Variants in TNNI3K observed in about 807,000 individuals in gnomAD.
TNNI3K encodes TNNI3 interacting kinase, also known as serine/threonine-protein kinase TNNI3K.
In TNNI3K, 140 loss-of-function variants were observed where a neutral mutation model predicts 114.5. The ratio of observed to expected loss-of-function variants is 1.22; its 90% CI spans 1.07 to 1.41. TNNI3K has a LOEUF of 1.41. Among genes scored for constraint, TNNI3K ranks in the 40% most tolerant of loss-of-function variants. The probability of loss-of-function intolerance (pLI) is 0.00; values close to 1 mark genes in which losing one functional copy is unlikely to be tolerated. For synonymous variants in TNNI3K, 347 were observed against 347.5 expected (o/e 1.00, Z 0.02); for missense variants, 1,125 against 1,007.6 (o/e 1.12, Z -1.58).
intron 9 of TNNI3K, among the ~76,000 whole-genome samples, chr1:74,350,070 T>C (rs1291791318): frequency 1.3e-5 from 2 of 152,208 alleles, no homozygotes; most frequent in Non-Finnish European, 2.9e-5. Context: ...TGTTAGGGTG[T>C]CAATTTTAGA....
At chr1:74,321,936 G>T (rs1011274178) in intron 5 of TNNI3K, among the ~76,000 whole-genome samples, 24 of 151,962 alleles carry the variant, frequency 1.6e-4, no homozygotes, top group Non-Finnish European at 2.8e-4. Flanking sequence ...AGAAATCTCA[G>T]CTAACGTTTG....
In TNNI3K at chr1:74,324,358, A is replaced by G. The variant is rs543482874; in HGVS notation, c.445-7092A>G. On this transcript the variant is annotated intron_variant, in intron 5 of 24. Coordinates refer to ENST00000326637, the MANE Select transcript of TNNI3K (RefSeq NM_015978.3). ...CAGAGGAGGCAACTCAACAAAGCAC[A>G]TGAAATAACAGAAGCTGTCAACTGC... Among the ~76,000 whole-genome samples, 12 of 152,366 alleles carry G rather than the reference A, an allele frequency of 7.9e-5. No homozygotes were observed. In the Middle Eastern group the frequency reaches 0.02, roughly 259 times the overall value.
chr1:74,325,130 C>T (rs1659828045), intron 5 of TNNI3K, among the ~76,000 whole-genome samples: 1 of 152,098 alleles, frequency 6.6e-6, no homozygotes. Flanking sequence ...CAGGAACTGA[C>T]CTTTGATCAT....
chr1:74,409,809 T>C (rs1401560034), intron 17 of TNNI3K, among the ~76,000 whole-genome samples: 1 of 152,124 alleles, frequency 6.6e-6, no homozygotes, highest in Non-Finnish European at 1.5e-5. Flanking sequence ...TTTATATTTA[T>C]TATTACATTT....
At position 74,427,350 on chromosome 1, in the gene TNNI3K, G is replaced by A. The variant is rs188318286; in HGVS notation, c.1773-8730G>A. Among the ~76,000 whole-genome samples, 24 of 149,014 alleles carry A rather than the reference G, an allele frequency of 1.6e-4. 1 individual carries two copies. The highest frequency in any genetic ancestry group is 6.0e-4 in the African/African-American group (24 of 40,252). ...TGACTTTATTTTAGTAATCAGACTA[G>A]CTAATTATTACCTTTTCATACTTAA... On this transcript the variant is annotated intron_variant, in intron 17 of 24. Coordinates refer to ENST00000326637, the MANE Select transcript of TNNI3K (RefSeq NM_015978.3).
At chr1:74,535,859 AC>A in intron 23 of TNNI3K, among the ~76,000 whole-genome samples, 1 of 152,264 alleles carries the variant, frequency 6.6e-6, no homozygotes, top group South Asian at 2.1e-4. Context: ...TCCCCTTCTT[AC>A]TTACAAAGCA....
At chr1:74,529,647 A>G (rs1049054205) in intron 23 of TNNI3K, among the ~76,000 whole-genome samples, 2 of 152,244 alleles carry the variant, frequency 1.3e-5, no homozygotes, top group African/African-American at 4.8e-5. Context: ...TTGGAAATAC[A>G]CTAAAGTATT....
chr1:74,541,150 C>A (rs1048241613), intron 24 of TNNI3K, among the ~76,000 whole-genome samples: 1 of 152,052 alleles, frequency 6.6e-6, no homozygotes, highest in Non-Finnish European at 1.5e-5. Flanking sequence ...ATTATAAGAG[C>A]TGGGTTTGGG....
At chr1:74,393,966 G>C (rs1663938395) in intron 17 of TNNI3K, among the ~76,000 whole-genome samples, 1 of 152,178 alleles carries the variant, frequency 6.6e-6, no homozygotes, top group Admixed American at 6.5e-5. Context: ...ATCTCCTGCT[G>C]TGCAGCCCAG....
chr1:74,525,372 C>G (rs1392249277), intron 23 of TNNI3K, among the ~76,000 whole-genome samples: 1 of 152,044 alleles, frequency 6.6e-6, no homozygotes, highest in Admixed American at 6.6e-5. Context: ...GAATGTGAGG[C>G]ACAGGAAGGT....
intron 4 of TNNI3K, among the ~76,000 whole-genome samples, chr1:74,258,273 T>C (rs1225883018): frequency 6.6e-6 from 1 of 151,956 alleles, no homozygotes; most frequent in Admixed American, 6.5e-5. Flanking sequence ...GTGCCCTCTC[T>C]GTGCAGCTTC....
At chr1:74,320,308 T>C (rs1659538716) in intron 5 of TNNI3K, among the ~76,000 whole-genome samples, 1 of 152,172 alleles carries the variant, frequency 6.6e-6, no homozygotes, top group African/African-American at 2.4e-5. Flanking sequence ...CCATAATCCA[T>C]TTCTGTATCT....
At chr1:74,304,695 C>G (rs1360692620) in intron 5 of TNNI3K, among the ~76,000 whole-genome samples, 2 of 152,058 alleles carry the variant, frequency 1.3e-5, no homozygotes, top group Non-Finnish European at 2.9e-5. Context: ...TCCTCCTGCT[C>G]CAATCTCCCA....
At chr1:74,370,619 A>G (rs1199003713) in intron 17 of TNNI3K, 9 of 341,392 alleles carry the variant, frequency 2.6e-5, no homozygotes, top group Non-Finnish European at 4.7e-5. Flanking sequence ...AAGAATATTC[A>G]CAAATATAGT....
chr1:74,322,786 C>T (rs948432584), intron 5 of TNNI3K, among the ~76,000 whole-genome samples: 4 of 152,064 alleles, frequency 2.6e-5, no homozygotes, highest in Non-Finnish European at 4.4e-5. Context: ...GAAATCCATT[C>T]TCCATCTCCA....
At chr1:74,400,261 A>G (rs943985477) in intron 17 of TNNI3K, among the ~76,000 whole-genome samples, 2 of 152,070 alleles carry the variant, frequency 1.3e-5, no homozygotes, top group African/African-American at 4.8e-5. Flanking sequence ...CTCCACCCAA[A>G]CCCACCTAGG....
chr1:74,502,107 T>C (rs1275327882), intron 23 of TNNI3K, among the ~76,000 whole-genome samples: 1 of 152,180 alleles, frequency 6.6e-6, no homozygotes, highest in Non-Finnish European at 1.5e-5. Flanking sequence ...AAATTCATGC[T>C]ATAGGTCAAC....
At chr1:74,285,798 AT>A (rs1657296438) in intron 5 of TNNI3K, among the ~76,000 whole-genome samples, 1 of 152,212 alleles carries the variant, frequency 6.6e-6, no homozygotes. Flanking sequence ...AGAAGAGATT[AT>A]AATGATACGT....
In TNNI3K at chr1:74,414,043, G is replaced by GA. The variant is rs1202931162; in HGVS notation, c.1773-22030dup. ...AGTTTTCACCTCATTAAAACCTACT[G>GA]AAAAAAATGAATGGATCATCAAATA... On this transcript the variant is annotated intron_variant, in intron 17 of 24. Transcript: ENST00000326637. Among the ~76,000 whole-genome samples, 7 of 152,140 alleles carry GA rather than the reference G, an allele frequency of 4.6e-5. No individual in the cohort carries two copies. In the East Asian group the frequency reaches 7.7e-4, roughly 17 times the overall value.
Sources: gnomAD v4.1 joint callset for allele counts (sites outside exome capture counted in the v4.1 genomes callset) on GRCh38, gnomAD v4.1.1 for gene constraint, MANE v1.5 for transcripts, NCBI Gene and HGNC (gene_info 2026-07-23, HGNC 2026-07-21) for gene names.